Variants in PCMT1 observed in about 807,000 individuals in gnomAD.
PCMT1 encodes the protein protein-L-isoaspartate (D-aspartate) O-methyltransferase.
Under a neutral mutation model 29.2 loss-of-function variants are expected in PCMT1, and 9 were observed. That is an observed-to-expected ratio of 0.31 (90% CI 0.19 to 0.54). The LOEUF is 0.54. PCMT1 is among the 20% of genes least tolerant of loss of function. The pLI is 0.95. For synonymous variants in PCMT1, 98 were observed against 97.5 expected (o/e 1.00, Z -0.03); for missense variants, 184 against 282.2 (o/e 0.65, Z 2.49).
rs1454625349 is a variant in PCMT1 at position 149,796,323 on chromosome 6, A to G, written c.419-92A>G. The G allele has an allele frequency of 4.3e-6, 3 of 695,692 alleles. No individual in the cohort carries two copies. In the Admixed American group the frequency reaches 7.8e-5, roughly 18 times the overall value. The allele number at this position is 695,692 out of a possible 1,614,324, so 43.1% of individuals were successfully genotyped here. A position where few individuals can be genotyped will look rare whatever the true frequency, so the allele number is the denominator to read the frequency against. On this transcript the variant is annotated intron_variant, in intron 5 of 7. Coordinates refer to ENST00000464889, the MANE Select transcript of PCMT1 (RefSeq NM_001360452.2). The stretch of plus-strand genomic sequence containing the variant: ...CCCAGGATCATTTATTGAAAAATCT[A>G]TCCTTTCTCCATTGTAAACCTCCTG...
chr6:149,750,770 T>C (rs1786281975), intron 1 of PCMT1, among the ~76,000 whole-genome samples: 1 of 152,190 alleles, frequency 6.6e-6, no homozygotes, highest in African/African-American at 2.4e-5. Context: ...ATGATAATTT[T>C]AGGATAGGAT....
At chr6:149,762,715 C>A (rs1456199860) in intron 1 of PCMT1, among the ~76,000 whole-genome samples, 1 of 35,252 alleles carries the variant, frequency 2.8e-5, no homozygotes, top group Admixed American at 5.7e-4. Flanking sequence ...ATATATATAT[C>A]TATGATATAT....
rs1220573796 is a variant in PCMT1, at chr6:149,800,491, AAAAAC to A, written c.505-1694_505-1690del. 1.1e-4 allele frequency among the ~76,000 whole-genome samples: 16 copies of A among 152,210 alleles called. No individual in the cohort carries two copies. In the East Asian group the frequency reaches 1.3e-3, roughly 13 times the overall value. ...CTCAAAACAACAAAAAACTACAACA[AAAAAC>A]AAAACAAAACAAAAAACCAGAGTAA... On this transcript the variant is annotated intron_variant, in intron 6 of 7. Transcript: ENST00000464889.
chr6:149,775,011 C>T (rs1340932314), intron 3 of PCMT1, among the ~76,000 whole-genome samples: 1 of 151,870 alleles, frequency 6.6e-6, no homozygotes, highest in Admixed American at 6.6e-5. Context: ...CCAGCCTTAA[C>T]TTTTTGTATT....
chr6:149,791,355 T>C (rs1418435269), intron 4 of PCMT1, among the ~76,000 whole-genome samples: 1 of 152,246 alleles, frequency 6.6e-6, no homozygotes, highest in Non-Finnish European at 1.5e-5. Context: ...CTGCCTTTTC[T>C]CATCAGAGTC....
chr6:149,794,801 G>A, intron 5 of PCMT1: 1 of 483,872 alleles, frequency 2.1e-6, no homozygotes. Flanking sequence ...TGTTGCCAGT[G>A]AGGGACATGA....
intron 5 of PCMT1, 73 bp from the exon 6 acceptor site, chr6:149,796,342 C>T: frequency 1.1e-6 from 1 of 909,954 alleles, no homozygotes; most frequent in Non-Finnish European, 1.7e-6. Flanking sequence ...CCATTGTAAA[C>T]CTCCTGTACT....
intron 3 of PCMT1, among the ~76,000 whole-genome samples, chr6:149,774,130 C>T (rs1180795699): frequency 2.0e-5 from 3 of 152,136 alleles, no homozygotes; most frequent in East Asian, 3.8e-4. Flanking sequence ...GCTAGGATTA[C>T]AGGCATGAGC....
chr6:149,758,497 A>G (rs1786610017), intron 1 of PCMT1, among the ~76,000 whole-genome samples: 1 of 151,934 alleles, frequency 6.6e-6, no homozygotes, highest in Non-Finnish European at 1.5e-5. Context: ...AGCATTAGCC[A>G]CTGCACCTGG....
intron 1 of PCMT1, among the ~76,000 whole-genome samples, chr6:149,770,456 T>C (rs559411750): frequency 6.6e-6 from 1 of 152,186 alleles, no homozygotes; most frequent in East Asian, 1.9e-4. Flanking sequence ...ACACCTATAA[T>C]CCAGCTTTGG....
rs11540599 is a variant in PCMT1, at chr6:149,749,887, C to G, written c.-15C>G. On this transcript the variant is annotated 5_prime_UTR_variant, in exon 1 of 8. Transcript: ENST00000464889. ...GCTGAAGGTGGTTCTGTACCTGCTC[C>G]GAGTGTGCTTAGCGATGGCCTGGAA... 6.2e-7 allele frequency: 1 copy of G among 1,607,090 alleles called. No homozygotes were observed. The highest frequency in any genetic ancestry group is 1.1e-5 in the South Asian group (1 of 89,818).
intron 3 of PCMT1, among the ~76,000 whole-genome samples, chr6:149,787,510 C>T (rs912725525): frequency 2.6e-5 from 4 of 151,906 alleles, no homozygotes; most frequent in Non-Finnish European, 4.4e-5. Context: ...GGATTACAGC[C>T]GCCACCACGC....
In PCMT1 at chr6:149,756,712, A is replaced by G. The variant is rs556104864; in HGVS notation, c.55+6756A>G. ...CTACTTTTGTATGCACATGGGAAAA[A>G]TAGAACCAGCTGGTAAAATCCTAAG... On this transcript the variant is annotated intron_variant, in intron 1 of 7. Coordinates refer to ENST00000464889, the MANE Select transcript of PCMT1 (RefSeq NM_001360452.2). 2.8e-4 allele frequency among the ~76,000 whole-genome samples: 43 copies of G among 151,636 alleles called. No individual in the cohort carries two copies. The South Asian group carries it at 8.1e-3, about 29-fold the overall frequency.
At chr6:149,750,035 G>T in intron 1 of PCMT1, 79 bp downstream of exon 1, 1 of 1,489,066 alleles carries the variant, frequency 6.7e-7, no homozygotes, top group Non-Finnish European at 9.0e-7. Context: ...CGTCCGGAAC[G>T]TTCTGTCTGT....
At position 149,771,263 on chromosome 6, in the gene PCMT1, A is replaced by C. The variant is rs768857269; in HGVS notation, c.157A>C (p.Ile53Leu). 1 of 1,559,352 alleles carries C rather than the reference A, an allele frequency of 6.4e-7. No individual in the cohort carries two copies. The highest frequency in any genetic ancestry group is 8.8e-7 in the Non-Finnish European group (1 of 1,132,728). The change falls in exon 2 of 8, where the codon ATA (isoleucine) becomes CTA (leucine). Residue 53 changes from isoleucine (I) to leucine (L), a missense_variant. Physicochemically the swap from Ile to Leu is conservative, Grantham distance 5. Coordinates refer to ENST00000464889, the MANE Select transcript of PCMT1 (RefSeq NM_001360452.2). Reference protein sequence around the residue: ...CNPYMDSPQSIGFQATISAPH... With the variant: ...CNPYMDSPQSLGFQATISAPH... ...CCCATACATGGATTCTCCACAATCA[A>C]TAGGTAAGCTTTAGATTTCTGAAAA...
At chr6:149,778,746 C>T (rs1787684599) in intron 3 of PCMT1, among the ~76,000 whole-genome samples, 1 of 151,916 alleles carries the variant, frequency 6.6e-6, no homozygotes, top group African/African-American at 2.4e-5. Flanking sequence ...ACTGTGTTGC[C>T]CAAGCTAGTT....
intron 5 of PCMT1, chr6:149,795,004 C>T: frequency 5.4e-6 from 2 of 367,782 alleles, no homozygotes; most frequent in Non-Finnish European, 1.1e-5. Flanking sequence ...ACCAGCCTGG[C>T]CAACATGGTG....
chr6:149,808,185 AAAT>A (rs1776064527), intron 7 of PCMT1, among the ~76,000 whole-genome samples: 2 of 151,952 alleles, frequency 1.3e-5, no homozygotes, highest in Admixed American at 6.6e-5. Flanking sequence ...ATAAATAATT[AAAT>A]TATGTATAAT....
intron 3 of PCMT1, among the ~76,000 whole-genome samples, chr6:149,786,715 CG>C (rs1273496276): frequency 7.6e-6 from 1 of 131,940 alleles, no homozygotes; most frequent in African/African-American, 2.9e-5. Flanking sequence ...ACATCCCAGA[CG>C]GGGCGGCGGG....
Sources: allele counts gnomAD v4.1 joint callset (sites outside exome capture counted in the v4.1 genomes callset), GRCh38; gene constraint gnomAD v4.1.1; transcripts MANE v1.5; gene names NCBI Gene and HGNC (gene_info 2026-07-23, HGNC 2026-07-21).